IMMP2L: variants seen among roughly 807,000 people sequenced by gnomAD.
IMMP2L encodes the protein mitochondrial inner membrane protease subunit 2.
A neutral mutation model predicts 19.3 loss-of-function variants in IMMP2L; 18 were observed. That is an observed-to-expected ratio of 0.93 (90% confidence interval 0.64 to 1.38). The LOEUF (loss-of-function observed/expected upper bound fraction) is 1.38, where lower values mean the gene tolerates loss of function less well. Ranked by LOEUF, IMMP2L falls within the 40% of genes most tolerant of loss-of-function variation. The pLI is 0.00. For missense variants in IMMP2L, 233 were observed against 218.2 expected (o/e 1.07, Z -0.43); for synonymous variants, 76 against 73.0 (o/e 1.04, Z -0.21).
chr7:111,216,702 AGATTCTAACAT>A (rs1811962779), intron 3 of IMMP2L, among the ~76,000 whole-genome samples: 1 of 152,156 alleles, frequency 6.6e-6, no homozygotes, highest in Non-Finnish European at 1.5e-5. Flanking sequence ...ATGGTTTCTC[AGATTCTAACAT>A]TTTTGGCAAA....
chr7:110,788,173 C>T (rs1402730644), intron 5 of IMMP2L, among the ~76,000 whole-genome samples: 7 of 151,970 alleles, frequency 4.6e-5, no homozygotes, highest in Non-Finnish European at 1.0e-4. Flanking sequence ...CATCTACTTC[C>T]CTTTACAGCC....
At chr7:110,854,010 T>A (rs568345669) in intron 5 of IMMP2L, among the ~76,000 whole-genome samples, 2 of 151,952 alleles carry the variant, frequency 1.3e-5, no homozygotes, top group Non-Finnish European at 2.9e-5. Flanking sequence ...GTTTAAAGTA[T>A]GGACTAAGAA....
intron 3 of IMMP2L, among the ~76,000 whole-genome samples, chr7:110,994,563 T>C (rs6965662): frequency 1 from 151,718 of 152,268 alleles, 75,586 homozygotes; most frequent in Middle Eastern, 1. Context: ...GCCAGAAACA[T>C]CCAATGGGAT....
chr7:110,953,234 G>A (rs563679680), intron 4 of IMMP2L, among the ~76,000 whole-genome samples: 1 of 151,974 alleles, frequency 6.6e-6, no homozygotes, highest in South Asian at 2.1e-4. Context: ...TGTTACATAG[G>A]TATATACATG....
At chr7:111,309,522 A>G (rs1446119205) in intron 3 of IMMP2L, among the ~76,000 whole-genome samples, 1 of 152,152 alleles carries the variant, frequency 6.6e-6, no homozygotes, top group Admixed American at 6.6e-5. Flanking sequence ...AAGAATTGAT[A>G]CTTTTTCACA....
At chr7:111,414,654 T>C (rs1171470401) in intron 3 of IMMP2L, among the ~76,000 whole-genome samples, 1 of 151,826 alleles carries the variant, frequency 6.6e-6, no homozygotes, top group Non-Finnish European at 1.5e-5. Context: ...TGAACCCTAA[T>C]GTATAGACTT....
chr7:111,006,381 A>G (rs1824295081), intron 3 of IMMP2L, among the ~76,000 whole-genome samples: 1 of 152,176 alleles, frequency 6.6e-6, no homozygotes, highest in Admixed American at 6.6e-5. Flanking sequence ...ATAATGCATA[A>G]TTGGGCTTTA....
At chr7:111,258,240 A>C (rs1816940329) in intron 3 of IMMP2L, among the ~76,000 whole-genome samples, 1 of 152,186 alleles carries the variant, frequency 6.6e-6, no homozygotes, top group Non-Finnish European at 1.5e-5. Flanking sequence ...TTGGAGCAAT[A>C]CATTAAAAGA....
chr7:111,517,008 A>G (rs1585468589), intron 2 of IMMP2L, among the ~76,000 whole-genome samples: 1 of 152,120 alleles, frequency 6.6e-6, no homozygotes, highest in Admixed American at 6.5e-5. Context: ...ATAAATCACA[A>G]TGTATCTCTT....
chr7:111,338,162 A>T lies in IMMP2L; in HGVS notation c.239+149076T>A, dbSNP rs185210540. Among the ~76,000 whole-genome samples, 139 of 152,278 alleles carry T rather than the reference A, an allele frequency of 9.1e-4. 2 individuals carry two copies. The highest frequency in any genetic ancestry group is 2.7e-3 in the Admixed American group (42 of 15,280). On this transcript the variant is annotated intron_variant, in intron 3 of 5. Coordinates refer to ENST00000405709, the MANE Select transcript of IMMP2L (RefSeq NM_032549.4). ...AGAGAAGAGAAAGTTCTGCAGTCAAATGCACAGTGGCAGAGATGATAACTG... is the reference window on the plus strand; with the variant it reads ...AGAGAAGAGAAAGTTCTGCAGTCAATTGCACAGTGGCAGAGATGATAACTG...
At chr7:110,862,561 G>A (rs1317415757) in intron 5 of IMMP2L, among the ~76,000 whole-genome samples, 1 of 151,400 alleles carries the variant, frequency 6.6e-6, no homozygotes, top group Non-Finnish European at 1.5e-5. Context: ...GCGCAGGCTG[G>A]CCTCAAACTC....
At chr7:111,231,604 CT>C (rs1406435374) in intron 3 of IMMP2L, among the ~76,000 whole-genome samples, 1 of 151,816 alleles carries the variant, frequency 6.6e-6, no homozygotes, top group Non-Finnish European at 1.5e-5. Context: ...TTTACTCTGT[CT>C]TTCACAATGT....
intron 3 of IMMP2L, among the ~76,000 whole-genome samples, chr7:111,203,398 G>C (rs1810360131): frequency 6.6e-6 from 1 of 151,962 alleles, no homozygotes; most frequent in South Asian, 2.1e-4. Context: ...ATGTCAGATG[G>C]CAACAAGCGT....
rs565220021 is a variant in IMMP2L at position 110,877,792 on chromosome 7, A to G, written c.408+8801T>C. Among the ~76,000 whole-genome samples the G allele has an allele frequency of 0.014, 2,195 of 152,262 alleles. 54 individuals carry two copies. The highest frequency in any genetic ancestry group is 0.049 in the African/African-American group (2,047 of 41,558). ...CTATGCCAATCAAGATCTGGCATTC[A>G]GCACTAGCAAAGTGTGACATTCTAA... On this transcript the variant is annotated intron_variant, in intron 5 of 5. Transcript: ENST00000405709. The surrounding 1 kb of genome is among the most constrained non-coding windows in gnomAD (Gnocchi z 4.0).
intron 3 of IMMP2L, among the ~76,000 whole-genome samples, chr7:110,990,149 G>A (rs1822301279): frequency 1.3e-5 from 2 of 152,118 alleles, no homozygotes; most frequent in South Asian, 4.2e-4. Context: ...CACAAATAAG[G>A]AATTTAATTA....
At chr7:110,753,508 C>T (rs1053447448) in intron 5 of IMMP2L, among the ~76,000 whole-genome samples, 1 of 152,020 alleles carries the variant, frequency 6.6e-6, no homozygotes, top group African/African-American at 2.4e-5. Context: ...AAGAAGCTCA[C>T]ATTTCAATGA....
At chr7:110,991,135 C>T (rs1585626412) in intron 3 of IMMP2L, among the ~76,000 whole-genome samples, 1 of 152,168 alleles carries the variant, frequency 6.6e-6, no homozygotes, top group East Asian at 1.9e-4. Flanking sequence ...AATGCAAAGT[C>T]TACAGAAGAT....
intron 3 of IMMP2L, among the ~76,000 whole-genome samples, chr7:111,307,180 ATATTT>A (rs1267569707): frequency 6.6e-6 from 1 of 151,688 alleles, no homozygotes; most frequent in Non-Finnish European, 1.5e-5. Flanking sequence ...ATCCTAAAAA[ATATTT>A]TATTGATATA....
intron 3 of IMMP2L, among the ~76,000 whole-genome samples, chr7:111,050,003 C>T (rs867905733): frequency 3.2e-4 from 48 of 152,182 alleles, no homozygotes; most frequent in Middle Eastern, 3.2e-3. Flanking sequence ...CTGAAGAGGA[C>T]TGTGAGGGAA....
Sources: allele counts gnomAD v4.1 joint callset (sites outside exome capture counted in the v4.1 genomes callset), GRCh38; gene constraint gnomAD v4.1.1; non-coding constraint Gnocchi (gnomAD v3.1); transcripts MANE v1.5; gene names NCBI Gene and HGNC (gene_info 2026-07-23, HGNC 2026-07-21).